CAMK2D: variants seen among roughly 807,000 people sequenced by gnomAD.
The protein encoded by CAMK2D is calcium/calmodulin dependent protein kinase II delta, also known as calcium/calmodulin-dependent protein kinase type II subunit delta.
Under a neutral mutation model 84.0 loss-of-function variants are expected in CAMK2D, and 37 were observed. The observed-to-expected ratio is 0.44, with a 90% CI of 0.34 to 0.58. The LOEUF is 0.58. CAMK2D is among the 20% of genes least tolerant of loss of function. CAMK2D has a pLI of 0.02. For synonymous variants in CAMK2D, 202 were observed against 212.5 expected, an observed-to-expected ratio of 0.95 and a Z score of 0.43; for missense variants, 448 against 652.5, an observed-to-expected ratio of 0.69 and a Z score of 3.41.
chr4:113,473,950 A>C (rs535741073), intron 16 of CAMK2D, among the ~76,000 whole-genome samples: 2 of 152,300 alleles, frequency 1.3e-5, no homozygotes, highest in South Asian at 4.1e-4. Context: ...TTTACTATTA[A>C]ATTAAAGGAG....
intron 4 of CAMK2D, among the ~76,000 whole-genome samples, chr4:113,589,838 G>A (rs2098854811): frequency 6.6e-6 from 1 of 152,122 alleles, no homozygotes; most frequent in Non-Finnish European, 1.5e-5. Flanking sequence ...TTCTTAAGAA[G>A]CAAGTATAAG....
At chr4:113,494,486 A>AGTCT (rs1480915397) in intron 16 of CAMK2D, among the ~76,000 whole-genome samples, 7 of 152,176 alleles carry the variant, frequency 4.6e-5, no homozygotes, top group Non-Finnish European at 1.5e-5. Context: ...TTGAGGAGGC[A>AGTCT]GTCTGCCTGT....
At chr4:113,534,114 C>A (rs1279476595) in intron 7 of CAMK2D, among the ~76,000 whole-genome samples, 7 of 152,030 alleles carry the variant, frequency 4.6e-5, no homozygotes, top group Non-Finnish European at 7.4e-5. Context: ...CCTCCATAAA[C>A]ACTGATATTA....
chr4:113,726,215 T>C (rs185194334), intron 2 of CAMK2D, among the ~76,000 whole-genome samples: 8 of 152,286 alleles, frequency 5.3e-5, no homozygotes, highest in African/African-American at 1.7e-4. Flanking sequence ...ATGAATGTTC[T>C]GAACCCTATT....
At chr4:113,519,665 G>A (rs2098331863) in intron 8 of CAMK2D, among the ~76,000 whole-genome samples, 1 of 152,062 alleles carries the variant, frequency 6.6e-6, no homozygotes, top group Non-Finnish European at 1.5e-5. Flanking sequence ...CTATTTTGTA[G>A]TTCTATTTTC....
intron 3 of CAMK2D, among the ~76,000 whole-genome samples, chr4:113,657,779 G>C (rs1243819054): frequency 6.6e-6 from 1 of 152,098 alleles, no homozygotes; most frequent in African/African-American, 2.4e-5. Flanking sequence ...TGTGCCAAGA[G>C]AAAGACACAT....
intron 3 of CAMK2D, among the ~76,000 whole-genome samples, chr4:113,632,470 G>A (rs1316517509): frequency 1.3e-5 from 2 of 151,890 alleles, no homozygotes; most frequent in African/African-American, 4.8e-5. Context: ...TGATCCACCT[G>A]CCTCAGCCTC....
At chr4:113,689,924 G>A (rs1266847256) in intron 2 of CAMK2D, among the ~76,000 whole-genome samples, 3 of 152,102 alleles carry the variant, frequency 2.0e-5, no homozygotes, top group Non-Finnish European at 4.4e-5. Flanking sequence ...TCAAAGTCTA[G>A]AAAAGTGCCA....
chr4:113,565,650 CAAAA>C (rs1299833681), intron 4 of CAMK2D, among the ~76,000 whole-genome samples: 4 of 80,584 alleles, frequency 5.0e-5, no homozygotes, highest in Admixed American at 1.2e-4. Flanking sequence ...GACTCTGTCT[CAAAA>C]AAAAAAAAAA....
chr4:113,750,251 A>C (rs1484163317), intron 2 of CAMK2D, among the ~76,000 whole-genome samples: 2 of 152,220 alleles, frequency 1.3e-5, no homozygotes, highest in Non-Finnish European at 2.9e-5. Flanking sequence ...TGGAGGAGGC[A>C]GGACCTGCAC....
chr4:113,680,720 A>C (rs1398840716), intron 2 of CAMK2D, among the ~76,000 whole-genome samples: 2 of 152,182 alleles, frequency 1.3e-5, no homozygotes, highest in Non-Finnish European at 2.9e-5. Context: ...ACATAGAACA[A>C]ACGTTCTTTG....
chr4:113,503,113 A>G (rs2098079441), intron 14 of CAMK2D, 136 bp from the exon 15 acceptor site: 3 of 753,840 alleles, frequency 4.0e-6, no homozygotes, highest in African/African-American at 3.4e-5. Context: ...AACTGCTGTC[A>G]GAGTTGCAGC....
At chr4:113,662,112 C>T (rs1380607857) in intron 2 of CAMK2D, among the ~76,000 whole-genome samples, 1 of 152,026 alleles carries the variant, frequency 6.6e-6, no homozygotes, top group Admixed American at 6.5e-5. Context: ...TATAGACATA[C>T]CAATTTAGAG....
At chr4:113,747,678 A>G (rs951395946) in intron 2 of CAMK2D, among the ~76,000 whole-genome samples, 4 of 152,062 alleles carry the variant, frequency 2.6e-5, no homozygotes, top group African/African-American at 9.7e-5. Flanking sequence ...GTCACTCTTA[A>G]TTTTTTGTAT....
intron 8 of CAMK2D, among the ~76,000 whole-genome samples, chr4:113,521,293 G>GTTAT (rs2098355827): frequency 2.0e-5 from 3 of 152,086 alleles, no homozygotes. Context: ...AATCTATTAT[G>GTTAT]TTATTTTTCT....
At chr4:113,537,547 A>C in intron 6 of CAMK2D, 104 bp from the exon 7 acceptor site, 6 of 670,912 alleles carry the variant, frequency 8.9e-6, no homozygotes, top group Non-Finnish European at 1.3e-5. Context: ...AAATTCATGC[A>C]CTGTCATCTT....
intron 2 of CAMK2D, among the ~76,000 whole-genome samples, chr4:113,700,213 T>A (rs2099413850): frequency 1.3e-5 from 2 of 152,206 alleles, no homozygotes; most frequent in African/African-American, 4.8e-5. Flanking sequence ...AGAAGGGTTA[T>A]GGGTTATTTT....
chr4:113,657,005 G>C (rs2099204069), intron 3 of CAMK2D, among the ~76,000 whole-genome samples: 1 of 151,960 alleles, frequency 6.6e-6, no homozygotes, highest in Non-Finnish European at 1.5e-5. Context: ...TAAGTCCTTG[G>C]CCTGCCTTTA....
chr4:113,724,865 A>G (rs1441202891), intron 2 of CAMK2D, among the ~76,000 whole-genome samples: 2 of 151,954 alleles, frequency 1.3e-5, no homozygotes, highest in African/African-American at 4.8e-5. Flanking sequence ...AGCTTCCAAC[A>G]ATATATATAT....
Sources: gnomAD v4.1 joint callset for allele counts (sites outside exome capture counted in the v4.1 genomes callset) on GRCh38, gnomAD v4.1.1 for gene constraint, MANE v1.5 for transcripts, NCBI Gene and HGNC (gene_info 2026-07-23, HGNC 2026-07-21) for gene names.